Variants in RAB2A observed in about 807,000 individuals in gnomAD.
RAB2A encodes RAB2A, member RAS oncogene family.
RAB2A carries 7 observed loss-of-function variants against 32.5 expected under a neutral mutation model. The ratio of observed to expected loss-of-function variants is 0.22; its 90% CI spans 0.12 to 0.40. The LOEUF (loss-of-function observed/expected upper bound fraction) is 0.40, where lower values mean the gene tolerates loss of function less well. Among genes scored for constraint, RAB2A ranks in the 10% least tolerant of loss-of-function variants. RAB2A has a pLI of 1.00. For synonymous variants in RAB2A, 79 were observed against 85.2 expected (o/e 0.93, Z 0.40); for missense variants, 108 against 260.7 (o/e 0.41, Z 4.03).
At chr8:60,595,701 G>A (rs7845982) in intron 6 of RAB2A, among the ~76,000 whole-genome samples, 22,672 of 152,062 alleles carry the variant, frequency 0.15, 1,847 homozygotes, top group East Asian at 0.26. Context: ...CTAAACATGC[G>A]TGTACCAGAT....
chr8:60,574,915 T>C (rs1385339334), intron 3 of RAB2A, among the ~76,000 whole-genome samples: 1 of 152,242 alleles, frequency 6.6e-6, no homozygotes, highest in East Asian at 1.9e-4. Context: ...TTTAAAGACA[T>C]CATAACATCC....
chr8:60,600,331 A>G (rs1298999642), intron 6 of RAB2A, among the ~76,000 whole-genome samples: 2 of 152,184 alleles, frequency 1.3e-5, no homozygotes. Context: ...CAAAAAAGAA[A>G]GAAAAACACC....
chr8:60,554,231 G>A (rs1358117060), intron 1 of RAB2A, among the ~76,000 whole-genome samples: 2 of 152,146 alleles, frequency 1.3e-5, no homozygotes, highest in African/African-American at 4.8e-5. Context: ...GGTTCTTAGT[G>A]AGAACCAGAA....
chr8:60,529,387 T>G (rs187707213), intron 1 of RAB2A, among the ~76,000 whole-genome samples: 1 of 152,316 alleles, frequency 6.6e-6, no homozygotes, highest in East Asian at 1.9e-4. Flanking sequence ...TGGGGAGAGA[T>G]GTTAAAATCT....
rs112447563 is a variant in RAB2A at position 60,582,258 on chromosome 8, A to G, written c.187-1950A>G. 2.2e-3 allele frequency among the ~76,000 whole-genome samples: 334 copies of G among 152,258 alleles called. 1 individual carries two copies. Among genetic ancestry groups the G allele is most frequent in the African/African-American group, 7.5e-3 (312 of 41,540 alleles). On this transcript the variant is annotated intron_variant, in intron 3 of 7. Coordinates refer to ENST00000262646, the MANE Select transcript of RAB2A (RefSeq NM_002865.3). ...GGCTGTCTTCAGTTTAACCTAAGCT[A>G]TGTAAAATGATTTGGCTATTTTTAT...
chr8:60,614,956 C>T (rs554903952), intron 6 of RAB2A, among the ~76,000 whole-genome samples: 20 of 152,322 alleles, frequency 1.3e-4, no homozygotes, highest in African/African-American at 4.8e-4. Flanking sequence ...CAGTTGGCTG[C>T]AGAGAAATCT....
At chr8:60,582,332 ATTCT>A (rs2130847585) in intron 3 of RAB2A, among the ~76,000 whole-genome samples, 1 of 152,276 alleles carries the variant, frequency 6.6e-6, no homozygotes, top group East Asian at 1.9e-4. Context: ...GCATGACATT[ATTCT>A]AACTGCCAAA....
intron 5 of RAB2A, among the ~76,000 whole-genome samples, chr8:60,589,492 C>T (rs747832284): frequency 2.2e-4 from 33 of 152,038 alleles, no homozygotes; most frequent in Admixed American, 8.5e-4. Flanking sequence ...GTCAGAGCAA[C>T]AGATGACACA....
chr8:60,535,104 C>CA (rs1807538333), intron 1 of RAB2A, among the ~76,000 whole-genome samples: 1 of 152,114 alleles, frequency 6.6e-6, no homozygotes, highest in Non-Finnish European at 1.5e-5. Flanking sequence ...GATTTTTAGA[C>CA]ACAGGTAGGA....
chr8:60,558,177 G>A (rs929670072), intron 1 of RAB2A, among the ~76,000 whole-genome samples: 1 of 152,184 alleles, frequency 6.6e-6, no homozygotes, highest in Non-Finnish European at 1.5e-5. Context: ...TCTAGTGTGA[G>A]GATGAGGAAA....
Position 60,517,070 on chromosome 8 carries a change from C to G in RAB2A, c.-138C>G. ...TCCGGCTTCCTCACAGCCCCTCACT[C>G]CCGGCGGCTGACAGCAGCAGCGGCG... On this transcript the variant is annotated 5_prime_UTR_variant, in exon 1 of 8. Transcript: ENST00000262646. 1 of 861,766 alleles carries G rather than the reference C, an allele frequency of 1.2e-6. No individual in the cohort carries two copies. 53.4% of individuals were successfully genotyped at this position (861,766 alleles called of 1,614,324 possible). A position where few individuals can be genotyped will look rare whatever the true frequency, so the allele number is the denominator to read the frequency against.
intron 5 of RAB2A, 132 bp downstream of exon 5, chr8:60,584,947 G>T: frequency 5.5e-6 from 3 of 542,034 alleles, no homozygotes; most frequent in Non-Finnish European, 9.2e-6. Flanking sequence ...GAAATTCTAA[G>T]GTGTTTCTTT....
At chr8:60,601,581 G>A (rs546782282) in intron 6 of RAB2A, among the ~76,000 whole-genome samples, 3 of 151,958 alleles carry the variant, frequency 2.0e-5, no homozygotes, top group South Asian at 2.1e-4. Context: ...CAAATGATCC[G>A]CCTGCTGTGG....
intron 2 of RAB2A, among the ~76,000 whole-genome samples, chr8:60,566,746 C>T (rs538734635): frequency 6.6e-6 from 1 of 152,242 alleles, no homozygotes; most frequent in African/African-American, 2.4e-5. Flanking sequence ...AACTTTTCAT[C>T]CCTTACCCCC....
intron 3 of RAB2A, among the ~76,000 whole-genome samples, chr8:60,572,413 AC>A (rs1322002917): frequency 6.6e-6 from 1 of 152,222 alleles, no homozygotes; most frequent in African/African-American, 2.4e-5. Flanking sequence ...TGTCTCAAGT[AC>A]ACATAGGAAG....
At chr8:60,561,024 G>C (rs988891564) in intron 2 of RAB2A, among the ~76,000 whole-genome samples, 10 of 152,192 alleles carry the variant, frequency 6.6e-5, no homozygotes, top group African/African-American at 2.4e-4. Flanking sequence ...TTTTCTCCTT[G>C]GGTTGACTGT....
chr8:60,541,314 A>G (rs558049865), intron 1 of RAB2A, among the ~76,000 whole-genome samples: 1 of 152,346 alleles, frequency 6.6e-6, no homozygotes, highest in Middle Eastern at 3.4e-3. Context: ...AATTAAATGT[A>G]ATATGGTTTC....
chr8:60,613,520 C>T (rs1023684639), intron 6 of RAB2A, among the ~76,000 whole-genome samples: 1 of 151,982 alleles, frequency 6.6e-6, no homozygotes, highest in African/African-American at 2.4e-5. Flanking sequence ...ACATATTTCC[C>T]ACGTTATCAT....
rs141072317 is a variant in RAB2A at position 60,580,088 on chromosome 8, C to G, written c.187-4120C>G. ...CTCGGCTCATTGTAACCTCCGCCTC[C>G]TGGCTTCAAGTGATTCTCCTGCCCC... On this transcript the variant is annotated intron_variant, in intron 3 of 7. Transcript: ENST00000262646. Among the ~76,000 whole-genome samples, 460 of 151,448 alleles carry G rather than the reference C, an allele frequency of 3.0e-3. 3 individuals are homozygous for G. Among genetic ancestry groups the G allele is most frequent in the Middle Eastern group, 0.017 (5 of 292 alleles).
Sources: gnomAD v4.1 joint callset for allele counts (sites outside exome capture counted in the v4.1 genomes callset) on GRCh38, gnomAD v4.1.1 for gene constraint, MANE v1.5 for transcripts, NCBI Gene and HGNC (gene_info 2026-07-23, HGNC 2026-07-21) for gene names.